Variants in EXT2 observed in about 807,000 individuals in gnomAD.
EXT2 encodes the protein exostosin glycosyltransferase 2, also known as exostosin-2.
Under a neutral mutation model 81.6 loss-of-function variants are expected in EXT2, and 53 were observed. The ratio of observed to expected loss-of-function variants is 0.65; its 90% confidence interval spans 0.52 to 0.82. The LOEUF (loss-of-function observed/expected upper bound fraction) is 0.82, where lower values mean the gene tolerates loss of function less well. Among genes scored for constraint, EXT2 ranks in the 40% least tolerant of loss-of-function variants. EXT2 has a pLI of 0.00. For missense variants in EXT2, 774 were observed against 910.2 expected (o/e 0.85, Z 1.93); for synonymous variants, 320 against 340.0 (o/e 0.94, Z 0.65).
intron 3 of EXT2, among the ~76,000 whole-genome samples, chr11:44,113,006 A>G (rs1954167637): frequency 6.6e-6 from 1 of 152,182 alleles, no homozygotes; most frequent in African/African-American, 2.4e-5. Context: ...GAACCTGCCC[A>G]AGTTCATGTT....
At position 44,251,728 on chromosome 11, in the gene EXT2, TAAAA is replaced by T. The variant is rs1224054031; in HGVS notation, c.*7443_*7446del. On this transcript the variant is annotated 3_prime_UTR_variant, in exon 14 of 14. Transcript: ENST00000533608. ...ATTTATGTTTTTAAGTCTATTGTCT[TAAAA>T]AGATTCTTTTCCCTTAAAAAATAAA... is the stretch of plus-strand genomic sequence containing the variant. 2.0e-5 allele frequency among the ~76,000 whole-genome samples: 3 copies of T among 152,198 alleles called. No homozygotes were observed. Among genetic ancestry groups the T allele is most frequent in the Admixed American group, 6.5e-5 (1 of 15,288 alleles).
intron 9 of EXT2, among the ~76,000 whole-genome samples, chr11:44,203,104 C>T (rs185493041): frequency 1.6e-4 from 25 of 152,318 alleles, no homozygotes; most frequent in African/African-American, 5.8e-4. Context: ...GTAACTTCTA[C>T]CCTTCCATTT....
chr11:44,191,042 A>T (rs1326366332), intron 8 of EXT2, among the ~76,000 whole-genome samples: 14 of 152,238 alleles, frequency 9.2e-5, no homozygotes, highest in Admixed American at 7.8e-4. Context: ...CCTTCAAGGC[A>T]TCCTGAAACC....
Position 44,181,186 on chromosome 11 carries a change from T to C in EXT2, c.1305+9444T>C, listed in dbSNP as rs78893603. Among the ~76,000 whole-genome samples the C allele has an allele frequency of 5.5e-3, 841 of 152,336 alleles. 13 individuals carry two copies. The highest frequency in any genetic ancestry group is 0.019 in the African/African-American group (797 of 41,576). ...ATTCTGGTTGAGGTGGGTTTTCTTA[T>C]GAATTTTGAAAGGATTGCTCCATTA... On this transcript the variant is annotated intron_variant, in intron 8 of 13. Transcript: ENST00000533608.
chr11:44,194,426 G>A (rs1384045513), intron 8 of EXT2, among the ~76,000 whole-genome samples: 1 of 152,162 alleles, frequency 6.6e-6, no homozygotes, highest in Admixed American at 6.5e-5. Context: ...AAACTCTGGA[G>A]TTCCCCACAC....
intron 1 of EXT2, among the ~76,000 whole-genome samples, chr11:44,101,175 T>G (rs1171212206): frequency 6.6e-6 from 1 of 152,140 alleles, no homozygotes; most frequent in African/African-American, 2.4e-5. Flanking sequence ...ACTATAAAGC[T>G]GGAGAGGAGA....
At chr11:44,185,524 C>A (rs1234841377) in intron 8 of EXT2, among the ~76,000 whole-genome samples, 1 of 151,960 alleles carries the variant, frequency 6.6e-6, no homozygotes, top group Non-Finnish European at 1.5e-5. Context: ...GGGTTCATGC[C>A]TTTTTTTCAG....
chr11:44,112,792 A>G (rs138158744), intron 3 of EXT2, among the ~76,000 whole-genome samples: 27 of 152,298 alleles, frequency 1.8e-4, no homozygotes, highest in African/African-American at 6.0e-4. Context: ...GGACAGAATA[A>G]CAGTAAAGGT....
rs116341709 is a variant in EXT2, at chr11:44,221,261, C to T, written c.1663-11092C>T. The stretch of plus-strand genomic sequence containing the variant: ...AAGAGCCCTGCAGACCTTTCCATGG[C>T]CAGCGCTGTGTGTTCTGCACCCTCA... On this transcript the variant is annotated intron_variant, in intron 10 of 13. Coordinates refer to ENST00000533608, the MANE Select transcript of EXT2 (RefSeq NM_207122.2). 3.1e-3 allele frequency among the ~76,000 whole-genome samples: 476 copies of T among 152,258 alleles called. 2 individuals carry two copies. Among genetic ancestry groups the T allele is most frequent in the African/African-American group, 0.011 (452 of 41,540 alleles).
At chr11:44,228,045 C>T (rs1955857345) in intron 10 of EXT2, among the ~76,000 whole-genome samples, 1 of 152,092 alleles carries the variant, frequency 6.6e-6, no homozygotes, top group Admixed American at 6.5e-5. Flanking sequence ...TGTTACAATC[C>T]CCATTTGACT....
chr11:44,201,097 A>G (rs1955516618), intron 9 of EXT2, among the ~76,000 whole-genome samples: 1 of 152,180 alleles, frequency 6.6e-6, no homozygotes, highest in South Asian at 2.1e-4. Context: ...GGAAGGTGAC[A>G]TTTCTATTTC....
chr11:44,181,663 A>G lies in EXT2; in HGVS notation c.1305+9921A>G, dbSNP rs75750040. Among the ~76,000 whole-genome samples, 839 of 152,188 alleles carry G rather than the reference A, an allele frequency of 5.5e-3. 13 individuals are homozygous for G. The highest frequency in any genetic ancestry group is 0.019 in the African/African-American group (795 of 41,524). ...AGTTTTTTTCCTGGACTTCTAGTTA[A>G]TCTTATAACTTCCTAATTTTGTTTT... On this transcript the variant is annotated intron_variant, in intron 8 of 13. Coordinates refer to ENST00000533608, the MANE Select transcript of EXT2 (RefSeq NM_207122.2).
intron 10 of EXT2, among the ~76,000 whole-genome samples, chr11:44,214,621 CTT>C (rs370834896): frequency 3.0e-4 from 45 of 152,084 alleles, no homozygotes; most frequent in African/African-American, 1.1e-3. Context: ...GTAATATTCT[CTT>C]GTTGTTTAAA....
chr11:44,110,499 A>G (rs2134975017), intron 3 of EXT2, among the ~76,000 whole-genome samples: 1 of 152,262 alleles, frequency 6.6e-6, no homozygotes, highest in East Asian at 1.9e-4. Flanking sequence ...TGAGTGGGCT[A>G]CTGTTTTATG....
intron 7 of EXT2, among the ~76,000 whole-genome samples, chr11:44,132,815 A>G (rs111645078): frequency 5.9e-5 from 9 of 152,120 alleles, no homozygotes; most frequent in African/African-American, 1.9e-4. Flanking sequence ...CTTTCGGACC[A>G]TCTAAAGCTC....
chr11:44,137,386 T>C (rs547341838), intron 7 of EXT2, among the ~76,000 whole-genome samples: 1 of 152,328 alleles, frequency 6.6e-6, no homozygotes, highest in Non-Finnish European at 1.5e-5. Context: ...CTGGCAGCCT[T>C]GGTCTGTCTT....
chr11:44,153,937 AT>A (rs1021084030), intron 7 of EXT2, among the ~76,000 whole-genome samples: 1 of 148,690 alleles, frequency 6.7e-6, no homozygotes, highest in Non-Finnish European at 1.5e-5. Context: ...TTTTTTTAGA[AT>A]TTTTTGCTTC....
intron 7 of EXT2, among the ~76,000 whole-genome samples, chr11:44,164,848 A>G (rs766058344): frequency 2.0e-5 from 3 of 150,758 alleles, no homozygotes; most frequent in Non-Finnish European, 4.4e-5. Context: ...GGGAATTTGC[A>G]TAGCTGCTGA....
intron 8 of EXT2, among the ~76,000 whole-genome samples, chr11:44,172,207 T>C (rs1043789924): frequency 1.3e-5 from 2 of 152,162 alleles, no homozygotes; most frequent in Non-Finnish European, 2.9e-5. Flanking sequence ...GCAGAAGTGA[T>C]CTAGAGGCAT....
Sources: gnomAD v4.1 joint callset for allele counts (sites outside exome capture counted in the v4.1 genomes callset) on GRCh38, gnomAD v4.1.1 for gene constraint, MANE v1.5 for transcripts, NCBI Gene and HGNC (gene_info 2026-07-23, HGNC 2026-07-21) for gene names.